HUNK: variants seen among roughly 807,000 people sequenced by gnomAD.
The protein encoded by HUNK is hormonally up-regulated Neu-associated kinase.
In HUNK, 21 loss-of-function variants were observed where a neutral mutation model predicts 61.0. That is an observed-to-expected ratio of 0.34 (90% CI 0.24 to 0.50). The LOEUF is 0.50. HUNK is among the 20% of genes least tolerant of loss of function. HUNK has a pLI of 0.98. For synonymous variants in HUNK, 371 were observed against 386.1 expected, an observed-to-expected ratio of 0.96 and a Z score of 0.46; for missense variants, 772 against 945.7, an observed-to-expected ratio of 0.82 and a Z score of 2.41.
intron 8 of HUNK, among the ~76,000 whole-genome samples, chr21:31,983,939 G>A (rs933744299): frequency 1.3e-5 from 2 of 152,144 alleles, no homozygotes; most frequent in Non-Finnish European, 2.9e-5. Context: ...GTTCCAATGA[G>A]CAGCCAAAGT....
At chr21:31,983,819 G>C (rs1178697090) in intron 8 of HUNK, among the ~76,000 whole-genome samples, 1 of 152,224 alleles carries the variant, frequency 6.6e-6, no homozygotes, top group East Asian at 1.9e-4. Flanking sequence ...GCATGTTAAA[G>C]TCACGGGGAG....
chr21:31,897,448 T>A (rs2123796874), intron 1 of HUNK, among the ~76,000 whole-genome samples: 1 of 152,308 alleles, frequency 6.6e-6, no homozygotes, highest in South Asian at 2.1e-4. Context: ...AAGGGCATCC[T>A]CCCTCTGTCT....
chr21:31,949,962 G>T (rs1489742897), intron 4 of HUNK, among the ~76,000 whole-genome samples: 2 of 152,112 alleles, frequency 1.3e-5, no homozygotes, highest in African/African-American at 4.8e-5. Context: ...CAATTTAAAG[G>T]TGTGGAAACT....
intron 2 of HUNK, among the ~76,000 whole-genome samples, chr21:31,929,527 CTT>C (rs1184601960): frequency 1.3e-5 from 2 of 152,200 alleles, no homozygotes; most frequent in African/African-American, 4.8e-5. Context: ...AGCATCAACT[CTT>C]AACGTGAATC....
chr21:31,919,501 G>A (rs891566272), intron 1 of HUNK, among the ~76,000 whole-genome samples: 5 of 152,208 alleles, frequency 3.3e-5, no homozygotes, highest in African/African-American at 1.2e-4. Context: ...GTAATCGTAC[G>A]GCTGTGATAA....
intron 1 of HUNK, among the ~76,000 whole-genome samples, chr21:31,922,112 G>A (rs1390608356): frequency 6.6e-6 from 1 of 151,940 alleles, no homozygotes; most frequent in Non-Finnish European, 1.5e-5. Context: ...TACCTCCCAG[G>A]TTCAAGCGAT....
intron 1 of HUNK, among the ~76,000 whole-genome samples, chr21:31,878,581 A>G (rs2123785940): frequency 6.6e-6 from 1 of 152,170 alleles, no homozygotes; most frequent in Non-Finnish European, 1.5e-5. Context: ...CTAAAAACAC[A>G]AAAATTAGCT....
chr21:31,873,870 A>G lies in HUNK; in HGVS notation c.196A>G (p.Arg66Gly), dbSNP rs763338038. 5 of 1,587,044 alleles carry G rather than the reference A, an allele frequency of 3.2e-6. No homozygotes were observed. In the African/African-American group the frequency reaches 6.9e-5, roughly 22 times the overall value. The change falls in exon 1 of 11, where the codon AGG (arginine) becomes GGG (glycine). Residue 66 changes from arginine (R) to glycine (G), a missense_variant. Coordinates refer to ENST00000270112, the MANE Select transcript of HUNK (RefSeq NM_014586.2). The surrounding 1 kb of genome is among the most constrained non-coding windows in gnomAD (Gnocchi z 6.1). ...KRVGNYLIGS[R>G]KLGEGSFAKV... Reference sequence around the variant, plus strand: ...CGTGGGCAACTACCTCATCGGCAGCAGGAAGCTGGGCGAGGGCTCCTTTGC... The same window carrying G: ...CGTGGGCAACTACCTCATCGGCAGCGGGAAGCTGGGCGAGGGCTCCTTTGC...
Position 31,974,266 on chromosome 21 carries a change from A to G in HUNK, c.1011-289A>G, listed in dbSNP as rs569465323. Reference sequence around the variant, plus strand: ...GGACATCTTTGGTTTTTGAAGGTGCACACTCAAGGGTTAAGGGGTAAAATG... The same window carrying G: ...GGACATCTTTGGTTTTTGAAGGTGCGCACTCAAGGGTTAAGGGGTAAAATG... On this transcript the variant is annotated intron_variant, in intron 6 of 10. Coordinates refer to ENST00000270112, the MANE Select transcript of HUNK (RefSeq NM_014586.2). 3 of 226,574 alleles carry G rather than the reference A, an allele frequency of 1.3e-5. No individual in the cohort carries two copies. In the South Asian group the frequency reaches 4.9e-4, roughly 37 times the overall value. The allele number at this position is 226,574 out of a possible 1,614,324, so 14.0% of individuals were successfully genotyped here.
chr21:31,921,609 C>G (rs1022872615), intron 1 of HUNK, among the ~76,000 whole-genome samples: 1 of 152,020 alleles, frequency 6.6e-6, no homozygotes, highest in African/African-American at 2.4e-5. Flanking sequence ...AGTGAGACCT[C>G]AAGAGCTTCT....
At chr21:31,894,765 G>T (rs73900589) in intron 1 of HUNK, among the ~76,000 whole-genome samples, 1 of 152,294 alleles carries the variant, frequency 6.6e-6, no homozygotes, top group African/African-American at 2.4e-5. Context: ...ACAGCATTGC[G>T]GGAGGAAATA....
intron 5 of HUNK, among the ~76,000 whole-genome samples, chr21:31,964,057 C>A (rs1251724922): frequency 6.6e-6 from 1 of 152,168 alleles, no homozygotes; most frequent in Non-Finnish European, 1.5e-5. Flanking sequence ...GTAGCGAATG[C>A]CTTTTATGGC....
intron 1 of HUNK, among the ~76,000 whole-genome samples, chr21:31,903,997 C>T (rs2123801295): frequency 6.6e-6 from 1 of 152,198 alleles, no homozygotes; most frequent in East Asian, 1.9e-4. Context: ...AAAGAAATAG[C>T]CCACTTGCTG....
intron 4 of HUNK, among the ~76,000 whole-genome samples, chr21:31,952,522 A>G (rs980143777): frequency 1.3e-5 from 2 of 152,150 alleles, no homozygotes; most frequent in Non-Finnish European, 2.9e-5. Flanking sequence ...TAAAATTGCC[A>G]GCGACTTCTC....
At chr21:31,921,490 G>T (rs570294385) in intron 1 of HUNK, among the ~76,000 whole-genome samples, 4 of 152,242 alleles carry the variant, frequency 2.6e-5, no homozygotes, top group African/African-American at 9.6e-5. Context: ...GTGATAGAAT[G>T]CATGTCCCAG....
At chr21:31,926,065 T>A (rs2123817365) in intron 2 of HUNK, among the ~76,000 whole-genome samples, 1 of 152,266 alleles carries the variant, frequency 6.6e-6, no homozygotes, top group African/African-American at 2.4e-5. Flanking sequence ...ATTACAGGCA[T>A]GTGCCACAAC....
chr21:31,933,736 G>A (rs1198656538), intron 2 of HUNK, among the ~76,000 whole-genome samples: 1 of 149,976 alleles, frequency 6.7e-6, no homozygotes, highest in Non-Finnish European at 1.5e-5. Context: ...AGTGAGCTGA[G>A]ATTGTGCCAC....
At chr21:31,972,510 G>T (rs908931312) in intron 6 of HUNK, among the ~76,000 whole-genome samples, 1 of 152,082 alleles carries the variant, frequency 6.6e-6, no homozygotes, top group Non-Finnish European at 1.5e-5. Flanking sequence ...GGCAGAGATG[G>T]GGTGTCTGCC....
chr21:31,984,266 T>G (rs2053118034), intron 8 of HUNK, among the ~76,000 whole-genome samples: 1 of 152,138 alleles, frequency 6.6e-6, no homozygotes, highest in Non-Finnish European at 1.5e-5. Context: ...ATGATAAATA[T>G]TTGAGGTAAT....
Sources: gnomAD v4.1 joint callset for allele counts (sites outside exome capture counted in the v4.1 genomes callset) on GRCh38, gnomAD v4.1.1 for gene constraint, Gnocchi (gnomAD v3.1) non-coding constraint, MANE v1.5 for transcripts, NCBI Gene and HGNC (gene_info 2026-07-23, HGNC 2026-07-21) for gene names.